FAM78B: variants seen among roughly 807,000 people sequenced by gnomAD.
The protein encoded by FAM78B is family with sequence similarity 78 member B, also known as protein FAM78B.
A neutral mutation model predicts 20.0 loss-of-function variants in FAM78B; 10 were observed. The observed-to-expected ratio is 0.50, with a 90% confidence interval of 0.31 to 0.85. FAM78B has a LOEUF of 0.85. Ranked by LOEUF, FAM78B falls within the 40% of genes least tolerant of loss-of-function variation. The probability of loss-of-function intolerance (pLI) is 0.05; values close to 1 mark genes in which losing one functional copy is unlikely to be tolerated. For synonymous variants in FAM78B, 135 were observed against 132.8 expected (o/e 1.02, Z -0.12); for missense variants, 283 against 345.0 (o/e 0.82, Z 1.42).
chr1:166,156,022 G>A (rs1019920463), intron 1 of FAM78B, among the ~76,000 whole-genome samples: 14 of 152,178 alleles, frequency 9.2e-5, no homozygotes, highest in Admixed American at 2.0e-4. Context: ...AGAAAGTGCT[G>A]ACTGCGGATG....
At chr1:166,147,298 A>G (rs377653310) in intron 1 of FAM78B, among the ~76,000 whole-genome samples, 2 of 152,222 alleles carry the variant, frequency 1.3e-5, no homozygotes, top group African/African-American at 4.8e-5. Context: ...GGTTTCAGAG[A>G]CAAAAAGCAG....
At chr1:166,072,567 T>A (rs921851942) in intron 1 of FAM78B, among the ~76,000 whole-genome samples, 1 of 152,188 alleles carries the variant, frequency 6.6e-6, no homozygotes, top group Non-Finnish European at 1.5e-5. Flanking sequence ...TGTGCAGAGA[T>A]CCAATCTGCT....
At chr1:166,136,127 A>AT (rs1186805169) in intron 1 of FAM78B, among the ~76,000 whole-genome samples, 15 of 152,254 alleles carry the variant, frequency 9.9e-5, no homozygotes, top group African/African-American at 3.4e-4. Flanking sequence ...TCTTAAACAA[A>AT]CCTGCCAGTA....
intron 1 of FAM78B, among the ~76,000 whole-genome samples, chr1:166,161,657 T>C (rs1656151971): frequency 6.6e-6 from 1 of 152,022 alleles, no homozygotes. Flanking sequence ...ATTACACACA[T>C]ATTCTGGAGA....
At chr1:166,063,010 A>G (rs959449756) in intron 2 of FAM78B, among the ~76,000 whole-genome samples, 1 of 152,176 alleles carries the variant, frequency 6.6e-6, no homozygotes, top group Non-Finnish European at 1.5e-5. Context: ...GCTCGAGAGA[A>G]GTCCTTCCCT....
At chr1:166,131,577 T>A (rs1313877062) in intron 1 of FAM78B, among the ~76,000 whole-genome samples, 1 of 152,094 alleles carries the variant, frequency 6.6e-6, no homozygotes, top group Non-Finnish European at 1.5e-5. Flanking sequence ...TGAGAAGACC[T>A]ATCTTAGGGG....
downstream of FAM78B, among the ~76,000 whole-genome samples, chr1:166,056,341 C>G (rs1651344549): frequency 6.6e-6 from 1 of 152,124 alleles, no homozygotes; most frequent in South Asian, 2.1e-4. Context: ...TAGTGACTTT[C>G]AGCCCTCTTA....
intron 1 of FAM78B, chr1:166,154,915 A>G (rs1655837436): frequency 2.2e-6 from 1 of 447,406 alleles, no homozygotes; most frequent in African/African-American, 2.0e-5. Context: ...CTGTTGATCT[A>G]CCACTTGCAT....
chr1:166,144,982 C>T lies in FAM78B; in HGVS notation c.263+21004G>A, dbSNP rs541876369. Among the ~76,000 whole-genome samples the T allele has an allele frequency of 4.6e-5, 7 of 152,252 alleles. No individual in the cohort carries two copies. The East Asian group carries it at 7.7e-4, about 17-fold the overall frequency. ...AGATGGGGTGAGGGTTGGGAGGACT[C>T]ACCACCACCTACCAGACTTGACTAT... On this transcript the variant is annotated intron_variant, in intron 1 of 1. Coordinates refer to ENST00000354422, the MANE Select transcript of FAM78B (RefSeq NM_001017961.5).
intron 1 of FAM78B, among the ~76,000 whole-genome samples, chr1:166,110,112 C>A (rs927992134): frequency 6.7e-6 from 1 of 150,322 alleles, no homozygotes; most frequent in Non-Finnish European, 1.5e-5. Flanking sequence ...ACTTTGGGGA[C>A]TTGGGGGGAA....
At chr1:166,056,146 T>C (rs1421355136), downstream of FAM78B, among the ~76,000 whole-genome samples, 1 of 152,162 alleles carries the variant, frequency 6.6e-6, no homozygotes, top group Non-Finnish European at 1.5e-5. Flanking sequence ...AAATACTCCC[T>C]CACCCCATGA....
intron 1 of FAM78B, among the ~76,000 whole-genome samples, chr1:166,077,686 T>C (rs1392471160): frequency 2.2e-5 from 3 of 139,352 alleles, no homozygotes; most frequent in South Asian, 2.1e-4. Flanking sequence ...TATATTTATA[T>C]ATAAATTATA....
At chr1:166,132,977 C>T (rs1654928421) in intron 1 of FAM78B, among the ~76,000 whole-genome samples, 1 of 152,298 alleles carries the variant, frequency 6.6e-6, no homozygotes, top group East Asian at 1.9e-4. Flanking sequence ...TGAGAACAAT[C>T]TCTGGGGCTG....
At chr1:166,162,941 G>T (rs1182254282) in intron 1 of FAM78B, among the ~76,000 whole-genome samples, 1 of 152,088 alleles carries the variant, frequency 6.6e-6, no homozygotes, top group Admixed American at 6.6e-5. Flanking sequence ...TTCACCTTGA[G>T]TCCATTCACC....
intron 1 of FAM78B, among the ~76,000 whole-genome samples, chr1:166,076,169 G>A (rs1652266722): frequency 6.6e-6 from 1 of 152,184 alleles, no homozygotes; most frequent in South Asian, 2.1e-4. Flanking sequence ...GTAAAATCGT[G>A]TCACTTTCTT....
At chr1:166,059,676 C>T (rs10753701) in exon 3 of FAM78B, 35,249 of 151,992 alleles carry the variant, frequency 0.23, 4,668 homozygotes, top group Middle Eastern at 0.31. Context: ...GGGTGGAGGC[C>T]GGATTCTGAG....
chr1:166,141,848 G>C (rs1655291058), intron 1 of FAM78B, among the ~76,000 whole-genome samples: 1 of 152,140 alleles, frequency 6.6e-6, no homozygotes, highest in African/African-American at 2.4e-5. Flanking sequence ...ACTGGAGTAG[G>C]GACAGTGCTC....
chr1:166,134,272 T>C (rs141585029), intron 1 of FAM78B, among the ~76,000 whole-genome samples: 57 of 148,180 alleles, frequency 3.8e-4, no homozygotes, highest in African/African-American at 1.4e-3. Context: ...ATTTATTTAC[T>C]GATCCACAGT....
At chr1:166,061,819 A>G (rs1046679538) in intron 2 of FAM78B, among the ~76,000 whole-genome samples, 1 of 152,108 alleles carries the variant, frequency 6.6e-6, no homozygotes, top group African/African-American at 2.4e-5. Context: ...TGACAGACAC[A>G]GCAGGGATAG....
Sources: gnomAD v4.1 joint callset for allele counts (sites outside exome capture counted in the v4.1 genomes callset) on GRCh38, gnomAD v4.1.1 for gene constraint, MANE v1.5 for transcripts, NCBI Gene and HGNC (gene_info 2026-07-23, HGNC 2026-07-21) for gene names.